FAM186B: variants seen among roughly 807,000 people sequenced by gnomAD.
The protein encoded by FAM186B is protein FAM186B.
Under a neutral mutation model 83.4 loss-of-function variants are expected in FAM186B, and 68 were observed. That is an observed-to-expected ratio of 0.81 (90% CI 0.67 to 1.00). FAM186B has a LOEUF of 1.00. Among genes scored for constraint, FAM186B ranks in the 50% least tolerant of loss-of-function variants. The pLI is 0.00. For synonymous variants in FAM186B, 389 were observed against 422.0 expected (o/e 0.92, Z 0.96); for missense variants, 983 against 1,099.2 (o/e 0.89, Z 1.49).
At chr12:49,617,526 A>G in the FAM186B span, among the ~76,000 whole-genome samples, 9 of 152,214 alleles carry the variant, frequency 5.9e-5, no homozygotes, top group Non-Finnish European at 1.0e-4. Flanking sequence ...CCTGGGTGTC[A>G]GAATGAGACC....
the FAM186B span, chr12:49,619,254 A>G: frequency 4.2e-6 from 1 of 237,328 alleles, no homozygotes; most frequent in Non-Finnish European, 8.0e-6. Context: ...CAAGAAAAAC[A>G]CAGGCACAGG....
Position 49,600,647 on chromosome 12 carries a change from C to G in FAM186B, c.993G>C (p.Leu331=). ...CTGGGGAGTCAACAGAAACCTCAGC[C>G]AGGTCTTCTGCCTGACCTGTAGCAT... ...AQNATGQAED[L]AEVSVDSPGP... is the part of the protein sequence containing the mutation. The change falls in exon 4 of 7, where the codon CTG becomes CTC. Residue 331 remains leucine (L), a synonymous_variant. Transcript: ENST00000257894. This position sits in a 1 kb window ranked among gnomAD's most constrained non-coding sequence, Gnocchi z 4.3. The G allele has an allele frequency of 6.2e-7, 1 of 1,613,904 alleles. No individual in the cohort carries two copies. Among genetic ancestry groups the G allele is most frequent in the South Asian group, 1.1e-5 (1 of 91,042 alleles).
At chr12:49,616,033 GT>G in the FAM186B span, among the ~76,000 whole-genome samples, 381 of 142,930 alleles carry the variant, frequency 2.7e-3, 1 homozygote, top group Non-Finnish European at 4.0e-3. Context: ...GAGTTTGGCA[GT>G]TTTTTTTTTT....
chr12:49,609,889 C>G (rs1474245427), upstream of FAM186B, among the ~76,000 whole-genome samples: 1 of 152,202 alleles, frequency 6.6e-6, no homozygotes, highest in Non-Finnish European at 1.5e-5. Flanking sequence ...ACTGTGCATT[C>G]CATGGATCAG....
In FAM186B at chr12:49,587,659, C is replaced by T; in HGVS notation, c.2628G>A (p.Arg876=). ...IEKKTPASLP[R]DQLRGHPDIP... ...TATCTGGGTGTCCCCTCAGCTGGTC[C>T]CGGGGAAGGCTGGCAGGGGTCTTTT... Residue 876 remains arginine (R), a synonymous_variant, in exon 7 of 7, where the codon CGG becomes CGA. Coordinates refer to ENST00000257894, the MANE Select transcript of FAM186B (RefSeq NM_032130.3). 1 of 1,613,640 alleles carries T rather than the reference C, an allele frequency of 6.2e-7. No individual in the cohort carries two copies. The highest frequency in any genetic ancestry group is 1.1e-5 in the South Asian group (1 of 91,072).
chr12:49,604,312 C>T lies in FAM186B; in HGVS notation c.322+1G>A, dbSNP rs1263392696. 6.2e-7 allele frequency: 1 copy of T among 1,612,338 alleles called. No homozygotes were observed. Among genetic ancestry groups the T allele is most frequent in the African/African-American group, 1.3e-5 (1 of 74,922 alleles). On this transcript the variant is annotated splice_donor_variant, in intron 2 of 6. Transcript: ENST00000257894. LOFTEE classifies it high-confidence loss of function. The stretch of plus-strand genomic sequence containing the variant: ...GCACGGTGCCCAGCCTGCAAACTCA[C>T]CCCAGTCACCCAGCCAGCGGAGAAT...
At chr12:49,583,043 A>C (rs377565465), downstream of FAM186B, 27 of 456,304 alleles carry the variant, frequency 5.9e-5, no homozygotes, top group African/African-American at 5.2e-4. Flanking sequence ...GGACGTGCAG[A>C]AGGTCAAAGT....
upstream of FAM186B, among the ~76,000 whole-genome samples, chr12:49,608,561 C>T (rs779526714): frequency 1.3e-5 from 2 of 151,002 alleles, no homozygotes; most frequent in Non-Finnish European, 2.9e-5. Context: ...TAGTGTGCCT[C>T]AGTCACTTGG....
Position 49,605,499 on chromosome 12 carries a change from C to T in FAM186B, c.-22G>A. ...CCATTTTGGATCACTCTGTCAGTCA[C>T]AAAACATCCTGTGTTTCTGGTCCAC... On this transcript the variant is annotated 5_prime_UTR_variant, in exon 1 of 7. The change creates a new upstream start codon in the 5' untranslated region. Coordinates refer to ENST00000257894, the MANE Select transcript of FAM186B (RefSeq NM_032130.3). 3.7e-6 allele frequency: 6 copies of T among 1,608,554 alleles called. No homozygotes were observed. In the South Asian group the frequency reaches 4.5e-5, roughly 12 times the overall value.
At chr12:49,584,409 A>G (rs1939397087), downstream of FAM186B, 1 of 683,262 alleles carries the variant, frequency 1.5e-6, no homozygotes. Context: ...CCAGCTGGGA[A>G]CCTGCATTTT....
Position 49,600,879 on chromosome 12 carries a change from T to A in FAM186B, c.761A>T (p.Asn254Ile). 6.2e-7 allele frequency: 1 copy of A among 1,614,164 alleles called. No homozygotes were observed. The highest frequency in any genetic ancestry group is 8.5e-7 in the Non-Finnish European group (1 of 1,180,012). The change falls in exon 4 of 7, where the codon AAC becomes ATC. Residue 254 changes from asparagine to isoleucine, a missense_variant. Asn to Ile is a moderately radical substitution (Grantham distance 149). Coordinates refer to ENST00000257894, the MANE Select transcript of FAM186B (RefSeq NM_032130.3). The surrounding 1 kb of genome is among the most constrained non-coding windows in gnomAD (Gnocchi z 4.3). ...NKALILQHKE[N>I]RSLETKYRHL... The stretch of plus-strand genomic sequence containing the variant: ...CCTGTATTTGGTCTCCAGGCTCCTG[T>A]TCTCCTTGTGTTGGAGGATCAAGGC...
chr12:49,606,606 C>T (rs563006606), upstream of FAM186B, among the ~76,000 whole-genome samples: 3 of 151,730 alleles, frequency 2.0e-5, no homozygotes, highest in East Asian at 5.8e-4. Flanking sequence ...TGTGTATATA[C>T]CTAATAACAT....
downstream of FAM186B, chr12:49,583,161 A>G: frequency 4.5e-6 from 2 of 443,150 alleles, no homozygotes; most frequent in Admixed American, 5.1e-5. Flanking sequence ...ATAAAAACAA[A>G]GAATGTATGA....
chr12:49,613,253 T>G, the FAM186B span, among the ~76,000 whole-genome samples: 1 of 152,086 alleles, frequency 6.6e-6, no homozygotes, highest in Non-Finnish European at 1.5e-5. Context: ...CTCGGCCTGG[T>G]GCAGTGGTTC....
chr12:49,587,598 A>G lies in FAM186B; in HGVS notation c.*7T>C. 1 of 1,614,088 alleles carries G rather than the reference A, an allele frequency of 6.2e-7. No individual in the cohort carries two copies. Among genetic ancestry groups the G allele is most frequent in the African/African-American group, 1.3e-5 (1 of 75,022 alleles). On this transcript the variant is annotated 3_prime_UTR_variant, in exon 7 of 7. Coordinates refer to ENST00000257894, the MANE Select transcript of FAM186B (RefSeq NM_032130.3). ...TTCAGGAAGTTCAGGCTTTTGTGGC[A>G]GGAGGACTACACGTCCAGTGTCAAC...
chr12:49,616,309 C>T, the FAM186B span, among the ~76,000 whole-genome samples: 2 of 152,118 alleles, frequency 1.3e-5, no homozygotes, highest in Admixed American at 6.6e-5. Context: ...GGATTACAGG[C>T]GTGAGCCACC....
chr12:49,608,645 T>A (rs1362046283), upstream of FAM186B, among the ~76,000 whole-genome samples: 1 of 151,646 alleles, frequency 6.6e-6, no homozygotes, highest in Non-Finnish European at 1.5e-5. Context: ...TCCAACAGAA[T>A]CATGAAGAAC....
the FAM186B span, among the ~76,000 whole-genome samples, chr12:49,621,305 C>T: frequency 6.6e-6 from 1 of 152,174 alleles, no homozygotes; most frequent in Non-Finnish European, 1.5e-5. Context: ...ATAGCTTGAA[C>T]CCGGGTGGTA....
the FAM186B span, among the ~76,000 whole-genome samples, chr12:49,614,535 T>G: frequency 1.3e-5 from 2 of 152,134 alleles, no homozygotes; most frequent in Non-Finnish European, 2.9e-5. Context: ...ATTGGGTACT[T>G]ATGGCCAGAA....
Sources: allele counts gnomAD v4.1 joint callset (sites outside exome capture counted in the v4.1 genomes callset), GRCh38; gene constraint gnomAD v4.1.1; non-coding constraint Gnocchi (gnomAD v3.1); transcripts MANE v1.5; gene names NCBI Gene and HGNC (gene_info 2026-07-23, HGNC 2026-07-21).